Variants in DLGAP2 observed in about 807,000 individuals in gnomAD.
DLGAP2 encodes the protein disks large-associated protein 2.
A neutral mutation model predicts 100.3 loss-of-function variants in DLGAP2; 26 were observed. The observed-to-expected ratio is 0.26, with a 90% confidence interval of 0.19 to 0.36. The LOEUF is 0.36. Among genes scored for constraint, DLGAP2 ranks in the 10% least tolerant of loss-of-function variants. The probability of loss-of-function intolerance (pLI) is 1.00; values close to 1 mark genes in which losing one functional copy is unlikely to be tolerated. For missense variants in DLGAP2, 1,858 were observed against 1,453.2 expected (o/e 1.28, Z -4.53); for synonymous variants, 886 against 630.1 (o/e 1.41, Z -6.08).
At chr8:1,506,737 C>T (rs1025620250) in intron 4 of DLGAP2, among the ~76,000 whole-genome samples, 3 of 152,182 alleles carry the variant, frequency 2.0e-5, no homozygotes, top group Admixed American at 1.3e-4. Flanking sequence ...TCTGTTTTGA[C>T]AGGGTGCTGA....
At chr8:1,042,007 G>A (rs945908062) in intron 2 of DLGAP2, among the ~76,000 whole-genome samples, 9 of 152,198 alleles carry the variant, frequency 5.9e-5, no homozygotes, top group African/African-American at 1.7e-4. Context: ...AGGTAATTCT[G>A]TGTCCCCTAG....
chr8:1,551,804 C>T (rs956305925), intron 5 of DLGAP2, among the ~76,000 whole-genome samples: 8 of 152,152 alleles, frequency 5.3e-5, no homozygotes, highest in Non-Finnish European at 1.2e-4. Context: ...ATGATGAGTA[C>T]GCTTTCTTTT....
At chr8:930,329 C>T (rs145130426) in intron 2 of DLGAP2, among the ~76,000 whole-genome samples, 6 of 152,184 alleles carry the variant, frequency 3.9e-5, no homozygotes, top group Admixed American at 3.3e-4. Context: ...AAGACAAATG[C>T]AATGTTGTCT....
intron 2 of DLGAP2, among the ~76,000 whole-genome samples, chr8:918,166 C>T (rs1037485199): frequency 1.3e-4 from 20 of 152,142 alleles, no homozygotes; most frequent in African/African-American, 4.3e-4. Context: ...CGAAGGCATT[C>T]TTTCTGGTCT....
chr8:1,474,080 C>T (rs143216841), intron 3 of DLGAP2, among the ~76,000 whole-genome samples: 140 of 152,256 alleles, frequency 9.2e-4, no homozygotes, highest in African/African-American at 2.8e-3. Context: ...ATCATTCTTA[C>T]GCCTTTGCAT....
At chr8:1,274,552 A>G (rs896525312) in intron 3 of DLGAP2, among the ~76,000 whole-genome samples, 1 of 151,364 alleles carries the variant, frequency 6.6e-6, no homozygotes, top group African/African-American at 2.4e-5. Context: ...GATTTGTTTT[A>G]GAACATAAAC....
chr8:1,579,813 A>C (rs932095008), intron 6 of DLGAP2, among the ~76,000 whole-genome samples: 1 of 152,216 alleles, frequency 6.6e-6, no homozygotes, highest in Non-Finnish European at 1.5e-5. Context: ...TACATTGCCT[A>C]AGTGCCCATC....
intron 2 of DLGAP2, among the ~76,000 whole-genome samples, chr8:1,005,071 T>G (rs1174086728): frequency 6.6e-6 from 1 of 152,202 alleles, no homozygotes; most frequent in Non-Finnish European, 1.5e-5. Context: ...TGTCTTCCAC[T>G]GCCCTTGTGT....
intron 2 of DLGAP2, among the ~76,000 whole-genome samples, chr8:1,161,594 G>A (rs952994691): frequency 2.0e-5 from 3 of 152,216 alleles, no homozygotes; most frequent in South Asian, 2.1e-4. Context: ...CCGCTCCACA[G>A]AATGAGCTGA....
chr8:1,545,331 T>C (rs1801497281), intron 4 of DLGAP2, among the ~76,000 whole-genome samples: 1 of 152,246 alleles, frequency 6.6e-6, no homozygotes, highest in Admixed American at 6.5e-5. Flanking sequence ...TTTATTGTTA[T>C]ACTTACAATA....
At chr8:1,488,590 C>T (rs1029804808) in intron 3 of DLGAP2, among the ~76,000 whole-genome samples, 1 of 152,130 alleles carries the variant, frequency 6.6e-6, no homozygotes, top group Admixed American at 6.5e-5. Flanking sequence ...AAGAGGTGAG[C>T]AGTAAATGCT....
chr8:1,102,334 A>C (rs1804612855), intron 2 of DLGAP2, among the ~76,000 whole-genome samples: 1 of 147,626 alleles, frequency 6.8e-6, no homozygotes, highest in African/African-American at 2.5e-5. Context: ...TATAAATTAC[A>C]TATATAATTA....
intron 2 of DLGAP2, among the ~76,000 whole-genome samples, chr8:1,095,986 T>A (rs1244475083): frequency 6.6e-6 from 1 of 152,152 alleles, no homozygotes; most frequent in Admixed American, 6.5e-5. Flanking sequence ...AAAACAAAAT[T>A]AATGATTTTT....
At chr8:1,647,486 C>T (rs796069155) in intron 8 of DLGAP2, among the ~76,000 whole-genome samples, 385 of 32,976 alleles carry the variant, frequency 0.012, 17 homozygotes, top group African/African-American at 0.037. Context: ...GAGACTCTGT[C>T]TCAAAAAAAA....
At chr8:1,081,994 A>T (rs1284130029) in intron 2 of DLGAP2, among the ~76,000 whole-genome samples, 1 of 152,168 alleles carries the variant, frequency 6.6e-6, no homozygotes, top group Non-Finnish European at 1.5e-5. Flanking sequence ...AGAAAAGAAG[A>T]CAGCGAAACT....
chr8:1,557,577 G>A (rs907019428), intron 5 of DLGAP2, among the ~76,000 whole-genome samples: 1 of 152,112 alleles, frequency 6.6e-6, no homozygotes, highest in Admixed American at 6.5e-5. Flanking sequence ...CCGCCAGCCT[G>A]GGTGGTGCGT....
intron 2 of DLGAP2, among the ~76,000 whole-genome samples, chr8:1,150,580 A>G (rs1357949023): frequency 2.0e-5 from 3 of 152,218 alleles, no homozygotes; most frequent in Admixed American, 6.5e-5. Context: ...CATTCCTATG[A>G]ATCTACTGTG....
At chr8:1,473,066 G>C (rs1246500835) in intron 3 of DLGAP2, among the ~76,000 whole-genome samples, 1 of 152,120 alleles carries the variant, frequency 6.6e-6, no homozygotes, top group East Asian at 1.9e-4. Flanking sequence ...AGGCAGCTGG[G>C]ATTACAGGCA....
chr8:1,234,123 G>A (rs1265866523), intron 2 of DLGAP2, among the ~76,000 whole-genome samples: 1 of 152,190 alleles, frequency 6.6e-6, no homozygotes, highest in Non-Finnish European at 1.5e-5. Flanking sequence ...GCTATAAAGA[G>A]GAATTAAGTT....
Sources: gnomAD v4.1 joint callset for allele counts (sites outside exome capture counted in the v4.1 genomes callset) on GRCh38, gnomAD v4.1.1 for gene constraint, MANE v1.5 for transcripts, NCBI Gene and HGNC (gene_info 2026-07-23, HGNC 2026-07-21) for gene names.